Variants in TBX22 observed in about 807,000 individuals in gnomAD.
The protein encoded by TBX22 is T-box transcription factor 22, also known as T-box transcription factor TBX22.
In TBX22, 8 loss-of-function variants were observed where a neutral mutation model predicts 30.1. That is an observed-to-expected ratio of 0.27 (90% CI 0.16 to 0.48). The LOEUF (loss-of-function observed/expected upper bound fraction) is 0.48. Among genes scored for constraint, TBX22 ranks in the 20% least tolerant of loss-of-function variants. The probability of loss-of-function intolerance (pLI) is 0.99; values close to 1 mark genes in which losing one functional copy is unlikely to be tolerated. For missense variants in TBX22, 463 were observed against 400.5 expected (o/e 1.16, Z -1.33); for synonymous variants, 173 against 149.1 (o/e 1.16, Z -1.17).
At chrX:80,027,343 C>G (rs1924025629) in intron 7 of TBX22, 23 bp downstream of exon 7, 1 of 785,427 alleles carries the variant, frequency 1.3e-6, no homozygotes, top group African/African-American at 2.1e-5. Flanking sequence ...GCAATGACAT[C>G]TAATATTGAT....
rs917472096 is a variant in TBX22, at chrX:80,022,375, C to T, written c.106C>T (p.Arg36Trp). 1 of 1,208,102 alleles carries T rather than the reference C, an allele frequency of 8.3e-7. No individual in the cohort carries two copies. The highest frequency in any genetic ancestry group is 1.8e-5 in the African/African-American group (1 of 57,090). The change falls in exon 2 of 9, where the codon CGG becomes TGG. Residue 36 changes from arginine to tryptophan, a missense_variant. Arg to Trp is a moderately radical substitution (Grantham distance 101). Coordinates refer to ENST00000373296, the MANE Select transcript of TBX22 (RefSeq NM_001109878.2). ...AATACAGGCGGAGCAGCCTGAGCTG[C>T]GGGAGAAAAAGGGCGGAGAGGAAGA... ...DPIQAEQPEL[R>W]EKKGGEEEEE... is the part of the protein sequence containing the mutation.
chrX:80,030,647 G>A lies in TBX22; in HGVS notation c.1099G>A (p.Val367Ile). The part of the protein sequence containing the change: ...MPCPEAYLPN[V>I]NLPLCYKICP... ...CTGTCCAGAGGCATACCTGCCCAAT[G>A]TCAACCTGCCTCTATGCTACAAGAT... Residue 367 changes from valine to isoleucine, a missense_variant, in exon 9 of 9, where the codon GTC becomes ATC. Physicochemically the swap from Val to Ile is conservative, Grantham distance 29 (BLOSUM62 3). Coordinates refer to ENST00000373296, the MANE Select transcript of TBX22 (RefSeq NM_001109878.2). 2 of 1,211,607 alleles carry A rather than the reference G, an allele frequency of 1.7e-6. No homozygotes were observed. The highest frequency in any genetic ancestry group is 1.1e-6 in the Non-Finnish European group (1 of 895,497).
Position 80,031,287 on chromosome X carries a change from A to T in TBX22, c.*176A>T. On this transcript the variant is annotated 3_prime_UTR_variant, in exon 9 of 9. Coordinates refer to ENST00000373296, the MANE Select transcript of TBX22 (RefSeq NM_001109878.2). ...AAATAATATTCATGAAGAGTTGTTT[A>T]TAATGTCAAATGAAACCTACAGGAA... 2.1e-6 allele frequency: 1 copy of T among 474,394 alleles called. No homozygotes were observed. The highest frequency in any genetic ancestry group is 3.5e-6 in the Non-Finnish European group (1 of 288,527). 39.1% of individuals were successfully genotyped at this position (474,394 alleles called of 1,213,427 possible). A position where few individuals can be genotyped will look rare whatever the true frequency, so the allele number is the denominator to read the frequency against.
At chrX:80,028,859 T>C (rs1266558117) in intron 8 of TBX22, among the ~76,000 whole-genome samples, 1 of 111,024 alleles carries the variant, frequency 9.0e-6, no homozygotes. Context: ...TTTTACATGA[T>C]GCCATAACAA....
At chrX:80,028,862 C>T (rs1227061791) in intron 8 of TBX22, among the ~76,000 whole-genome samples, 2 of 109,505 alleles carry the variant, frequency 1.8e-5, no homozygotes, top group African/African-American at 6.7e-5. Flanking sequence ...TACATGATGC[C>T]ATAACAACTA....
chrX:80,018,111 T>C (rs930750055), intron 1 of TBX22, among the ~76,000 whole-genome samples: 2 of 112,070 alleles, frequency 1.8e-5, no homozygotes, highest in South Asian at 7.3e-4. Context: ...AAAAGCACAG[T>C]CTTCTTGAGA....
intron 3 of TBX22, among the ~76,000 whole-genome samples, chrX:80,023,683 G>A (rs1923829960): frequency 9.0e-6 from 1 of 111,597 alleles, no homozygotes. Context: ...CTTCACTGCA[G>A]CTGGTTATTT....
In TBX22 at chrX:80,028,025, T is replaced by C. The variant is rs371749262; in HGVS notation, c.898T>C (p.Trp300Arg). The change falls in exon 8 of 9, where the codon TGG becomes CGG. Residue 300 changes from tryptophan to arginine, a missense_variant. Physicochemically the swap from Trp to Arg is moderately radical, Grantham distance 101. Coordinates refer to ENST00000373296, the MANE Select transcript of TBX22 (RefSeq NM_001109878.2). ...VLDGLLETYP[W>R]RPSFTLDFKT... is the part of the protein sequence containing the mutation. Reference sequence around the variant, plus strand: ...GGATGGGCTTTTAGAGACCTACCCATGGAGGCCTTCTTTCACTCTCGATTT... The same window carrying C: ...GGATGGGCTTTTAGAGACCTACCCACGGAGGCCTTCTTTCACTCTCGATTT... The C allele has an allele frequency of 8.3e-7, 1 of 1,209,716 alleles. No individual in the cohort carries two copies. Among genetic ancestry groups the C allele is most frequent in the Non-Finnish European group, 1.1e-6 (1 of 894,879 alleles).
Position 80,025,585 on chromosome X carries a change from C to T in TBX22, c.459-18C>T. The T allele has an allele frequency of 8.3e-7, 1 of 1,199,930 alleles. No individual in the cohort carries two copies. Among genetic ancestry groups the T allele is most frequent in the Non-Finnish European group, 1.1e-6 (1 of 884,823 alleles). ...CTTTGGCCTGCTGCACCTAATGCCA[C>T]AGCATGTGTTTTTTCAGGTACGTCT... On this transcript the variant is annotated intron_variant, in intron 4 of 8. Transcript: ENST00000373296.
In TBX22 at chrX:80,020,418, G is replaced by A. The variant is rs373198166; in HGVS notation, c.-2-1850G>A. ...CACTTTAATGGGTGCGAAAAGAAAC[G>A]AATGCTCAGATCACATGCAGATGTG... On this transcript the variant is annotated intron_variant, in intron 1 of 8. Coordinates refer to ENST00000373296, the MANE Select transcript of TBX22 (RefSeq NM_001109878.2). Among the ~76,000 whole-genome samples, 48 of 111,580 alleles carry A rather than the reference G, an allele frequency of 4.3e-4. No homozygotes were observed. The East Asian group carries it at 6.8e-3, about 16-fold the overall frequency.
Position 80,028,012 on chromosome X carries a change from A to C in TBX22, c.885A>C (p.Leu295Phe), listed in dbSNP as rs1428441084. 8.3e-7 allele frequency: 1 copy of C among 1,208,892 alleles called. No individual in the cohort carries two copies. The highest frequency in any genetic ancestry group is 1.1e-6 in the Non-Finnish European group (1 of 894,162). Residue 295 changes from leucine to phenylalanine, a missense_variant, in exon 8 of 9, where the codon TTA becomes TTC. Leu to Phe is a conservative substitution (Grantham distance 22). Transcript: ENST00000373296. ...GRNRGVLDGL[L>F]ETYPWRPSFT... ...TTAGGGGTGTATTGGATGGGCTTTT[A>C]GAGACCTACCCATGGAGGCCTTCTT...
At chrX:80,017,716 G>T (rs1923516650) in intron 1 of TBX22, among the ~76,000 whole-genome samples, 1 of 110,997 alleles carries the variant, frequency 9.0e-6, no homozygotes, top group Non-Finnish European at 1.9e-5. Context: ...CCATAATTCT[G>T]GTGGCAAATT....
In TBX22 at chrX:80,016,521, G is replaced by T. The variant is rs188934320; in HGVS notation, c.-3+1634G>T. Among the ~76,000 whole-genome samples, 178 of 111,424 alleles carry T rather than the reference G, an allele frequency of 1.6e-3. 1 individual carries two copies. The highest frequency in any genetic ancestry group is 5.6e-3 in the African/African-American group (170 of 30,400). ...CAGTATTTTTTTTCAATAATTCATT[G>T]ATGCAATTAACTTGGCATATCTCCG... On this transcript the variant is annotated intron_variant, in intron 1 of 8. Coordinates refer to ENST00000373296, the MANE Select transcript of TBX22 (RefSeq NM_001109878.2).
intron 7 of TBX22, 147 bp downstream of exon 7, chrX:80,027,467 C>G: frequency 2.5e-6 from 1 of 400,323 alleles, no homozygotes; most frequent in East Asian, 4.4e-5. Flanking sequence ...CAACTTTCAC[C>G]TCCCTGGTTC....
In TBX22 at chrX:80,030,542, C is replaced by T. The variant is rs1237797145; in HGVS notation, c.994C>T (p.Pro332Ser). Residue 332 changes from proline to serine, a missense_variant, in exon 9 of 9, where the codon CCC becomes TCC. Pro to Ser is a moderately conservative substitution (Grantham distance 74, BLOSUM62 -1). Transcript: ENST00000373296. The part of the protein sequence containing the change: ...SSPVTSSGGA[P>S]SPLNSLLSPL... ...TCCAGTGACCTCTAGTGGAGGGGCCCCCTCTCCTTTGAACTCCTTACTTTC... is the reference window on the plus strand; with the variant it reads ...TCCAGTGACCTCTAGTGGAGGGGCCTCCTCTCCTTTGAACTCCTTACTTTC... 3.3e-6 allele frequency: 4 copies of T among 1,210,696 alleles called. No homozygotes were observed. Among genetic ancestry groups the T allele is most frequent in the Admixed American group, 4.3e-5 (2 of 45,991 alleles).
chrX:80,022,526 C>T lies in TBX22; in HGVS notation c.175+82C>T, dbSNP rs1403146009. 4 of 1,013,795 alleles carry T rather than the reference C, an allele frequency of 3.9e-6. No homozygotes were observed. In the African/African-American group the frequency reaches 7.6e-5, roughly 19 times the overall value. 83.5% of individuals were successfully genotyped at this position (1,013,795 alleles called of 1,213,427 possible). ...CCGCCTGGCTCGCGTCCCGACGCAGCCAGACAGCCACATTAGGAGCCGCGA... is the reference window on the plus strand; with the variant it reads ...CCGCCTGGCTCGCGTCCCGACGCAGTCAGACAGCCACATTAGGAGCCGCGA... On this transcript the variant is annotated intron_variant, in intron 2 of 8. Transcript: ENST00000373296.
Position 80,028,038 on chromosome X carries a change from T to C in TBX22, c.911T>C (p.Phe304Ser). Residue 304 changes from phenylalanine (F) to serine (S), a missense_variant, in exon 8 of 9, where the codon TTC becomes TCC. Physicochemically the swap from Phe to Ser is radical, Grantham distance 155. Coordinates refer to ENST00000373296, the MANE Select transcript of TBX22 (RefSeq NM_001109878.2). ...GAGACCTACCCATGGAGGCCTTCTTTCACTCTCGATTTTAAAACCTTTGGC... is the reference window on the plus strand; with the variant it reads ...GAGACCTACCCATGGAGGCCTTCTTCCACTCTCGATTTTAAAACCTTTGGC... ...LLETYPWRPS[F>S]TLDFKTFGAD... The C allele has an allele frequency of 8.3e-7, 1 of 1,211,598 alleles. No homozygotes were observed. Among genetic ancestry groups the C allele is most frequent in the East Asian group, 3.0e-5 (1 of 33,822 alleles).
chrX:80,022,927 C>A, intron 2 of TBX22, 133 bp from the exon 3 acceptor site: 1 of 637,651 alleles, frequency 1.6e-6, no homozygotes, highest in East Asian at 3.6e-5. Flanking sequence ...TTATGCGGAG[C>A]TTGGGGAATC....
chrX:80,019,611 A>C (rs1923592601), intron 1 of TBX22, among the ~76,000 whole-genome samples: 1 of 111,442 alleles, frequency 9.0e-6, no homozygotes, highest in Admixed American at 9.6e-5. Flanking sequence ...TGGAGAATGA[A>C]TTGCTGGCAT....
Sources: gnomAD v4.1 joint callset for allele counts (sites outside exome capture counted in the v4.1 genomes callset) on GRCh38, gnomAD v4.1.1 for gene constraint, MANE v1.5 for transcripts, NCBI Gene and HGNC (gene_info 2026-07-23, HGNC 2026-07-21) for gene names.